Variants in GPR137 observed in about 807,000 individuals in gnomAD.
GPR137 encodes the protein integral membrane protein GPR137.
A neutral mutation model predicts 38.9 loss-of-function variants in GPR137; 20 were observed. The ratio of observed to expected loss-of-function variants is 0.51; its 90% CI spans 0.36 to 0.75. The LOEUF is 0.75. GPR137 is among the 30% of genes least tolerant of loss of function. The pLI, the probability that GPR137 is intolerant of heterozygous loss-of-function variation, is 0.00. For missense variants in GPR137, 456 were observed against 526.4 expected (o/e 0.87, Z 1.31); for synonymous variants, 226 against 235.8 (o/e 0.96, Z 0.38).
rs373433444 is a variant in GPR137, at chr11:64,288,041, G to T, written c.634-24G>T. On this transcript the variant is annotated intron_variant, in intron 3 of 6. Coordinates refer to ENST00000438980, the MANE Select transcript of GPR137 (RefSeq NM_001170880.2). The surrounding 1 kb of genome is among the most constrained non-coding windows in gnomAD (Gnocchi z 5.5). ...AGCTGGGAGCCTTCTCTCCCTGAGG[G>T]TCCTCTGTTGTTACCTGTGCCAGGG... 4 of 1,607,474 alleles carry T rather than the reference G, an allele frequency of 2.5e-6. No homozygotes were observed. In the African/African-American group the frequency reaches 4.0e-5, roughly 16 times the overall value.
At chr11:64,284,750 G>T (rs1325730018), upstream of GPR137, 18 of 1,535,626 alleles carry the variant, frequency 1.2e-5, no homozygotes, top group African/African-American at 1.4e-5. Flanking sequence ...ATCACCTCTC[G>T]GAACGTCACT....
upstream of GPR137, among the ~76,000 whole-genome samples, chr11:64,281,703 C>T (rs879673973): frequency 2.6e-5 from 4 of 152,210 alleles, no homozygotes; most frequent in Non-Finnish European, 4.4e-5. Context: ...TCACTCCCCC[C>T]GCCCCTGTGA....
chr11:64,285,121 T>A (rs1454445804), upstream of GPR137: 1 of 1,021,328 alleles, frequency 9.8e-7, no homozygotes, highest in Admixed American at 5.6e-5. Context: ...ATGTGATTAT[T>A]GTTGCTATTG....
At chr11:64,279,669 A>G (rs1233401481), upstream of GPR137, among the ~76,000 whole-genome samples, 1 of 150,216 alleles carries the variant, frequency 6.7e-6, no homozygotes. Context: ...AGGCTCAGGC[A>G]GGAGAATGGC....
At position 64,288,519 on chromosome 11, in the gene GPR137, C is replaced by G; in HGVS notation, c.912+51C>G. On this transcript the variant is annotated intron_variant, in intron 5 of 6. Coordinates refer to ENST00000438980, the MANE Select transcript of GPR137 (RefSeq NM_001170880.2). The surrounding 1 kb of genome is among the most constrained non-coding windows in gnomAD (Gnocchi z 5.5). Reference sequence around the variant, plus strand: ...GGGCCAGTGGAGGGGGCGGATGTTGCAAATCCTGGGTTGGAGTCTGGGGTT... The same window carrying G: ...GGGCCAGTGGAGGGGGCGGATGTTGGAAATCCTGGGTTGGAGTCTGGGGTT... The G allele has an allele frequency of 1.9e-6, 3 of 1,613,088 alleles. No individual in the cohort carries two copies. The highest frequency in any genetic ancestry group is 2.2e-5 in the South Asian group (2 of 91,034).
chr11:64,283,115 C>T (rs185861247), upstream of GPR137, among the ~76,000 whole-genome samples: 200 of 152,234 alleles, frequency 1.3e-3, no homozygotes, highest in African/African-American at 4.5e-3. Flanking sequence ...CTGAGAGAAT[C>T]GAGTGTGGGT....
chr11:64,285,469 C>CG (rs1363022616), upstream of GPR137: 8 of 984,330 alleles, frequency 8.1e-6, no homozygotes, highest in East Asian at 1.1e-4. Context: ...GGGCGGGGCC[C>CG]GGGGGCCATC....
At chr11:64,284,208 T>C, upstream of GPR137, 1 of 1,602,634 alleles carries the variant, frequency 6.2e-7, no homozygotes, top group Non-Finnish European at 8.5e-7. Context: ...GCTGGTTGGC[T>C]GCTCCTGCTG....
upstream of GPR137, among the ~76,000 whole-genome samples, chr11:64,282,302 G>C (rs556410044): frequency 6.6e-6 from 1 of 152,294 alleles, no homozygotes; most frequent in South Asian, 2.1e-4. Context: ...AGCTCAGGAA[G>C]TTAAAGAAAG....
At chr11:64,278,912 G>C (rs916315799) in intron 2 of GPR137, among the ~76,000 whole-genome samples, 1 of 152,218 alleles carries the variant, frequency 6.6e-6, no homozygotes, top group South Asian at 2.1e-4. Flanking sequence ...TCTTTTCTGG[G>C]AAACCACTTG....
In GPR137 at chr11:64,288,796, C is replaced by T; in HGVS notation, c.1031+75C>T. The T allele has an allele frequency of 1.4e-6, 2 of 1,440,278 alleles. No homozygotes were observed. The highest frequency in any genetic ancestry group is 1.4e-5 in the African/African-American group (1 of 70,110). 89.2% of individuals were successfully genotyped at this position (1,440,278 alleles called of 1,614,324 possible). ...GCTGGCTCCATCAAGCTATGGGGGACCGAGATAGCCGGGTCTTGCCTTCCA... is the reference window on the plus strand; with the variant it reads ...GCTGGCTCCATCAAGCTATGGGGGATCGAGATAGCCGGGTCTTGCCTTCCA... On this transcript the variant is annotated intron_variant, in intron 6 of 6. Coordinates refer to ENST00000438980, the MANE Select transcript of GPR137 (RefSeq NM_001170880.2). The surrounding 1 kb of genome is among the most constrained non-coding windows in gnomAD (Gnocchi z 5.5).
rs754387631 is a variant in GPR137, at chr11:64,289,336, T to C, written c.*140T>C. The C allele has an allele frequency of 2.5e-6, 4 of 1,604,346 alleles. No individual in the cohort carries two copies. In the African/African-American group the frequency reaches 5.3e-5, roughly 21 times the overall value. On this transcript the variant is annotated 3_prime_UTR_variant, in exon 7 of 7. Coordinates refer to ENST00000438980, the MANE Select transcript of GPR137 (RefSeq NM_001170880.2). ...CCTCTGGCCGGCTCCTTGCTGCTCC[T>C]GTCATAGTGAGCTTGTGCCGTCCCC...
At chr11:64,276,314 G>GTGTGTGTGTT (rs755265862) in intron 1 of GPR137, 2 of 148,492 alleles carry the variant, frequency 1.3e-5, no homozygotes, top group African/African-American at 5.1e-5. Flanking sequence ...GTGTGTGTGT[G>GTGTGTGTGTT]TATATATATA....
upstream of GPR137, chr11:64,285,390 G>A (rs1265456716): frequency 1.0e-6 from 1 of 985,056 alleles, no homozygotes; most frequent in East Asian, 1.1e-4. Context: ...GGTGAGCAGG[G>A]CCGCGGGCGC....
upstream of GPR137, chr11:64,285,211 C>T (rs2033812451): frequency 2.0e-6 from 2 of 987,626 alleles, no homozygotes; most frequent in South Asian, 9.0e-5. Flanking sequence ...AGCTTCGCGC[C>T]GCCCGCCTCG....
chr11:64,289,477 C>G lies in GPR137; in HGVS notation c.*281C>G. ...TCTCCTGTGCCTGCCACTCAATAAA[C>G]AGTGTCTGCGCCCCACAGTTGTGCA... On this transcript the variant is annotated 3_prime_UTR_variant, in exon 7 of 7. Transcript: ENST00000438980. 1 of 1,468,440 alleles carries G rather than the reference C, an allele frequency of 6.8e-7. No individual in the cohort carries two copies. Among genetic ancestry groups the G allele is most frequent in the Non-Finnish European group, 9.0e-7 (1 of 1,108,248 alleles). The allele number at this position is 1,468,440 out of a possible 1,614,324, so 91.0% of individuals were successfully genotyped here. A position where few individuals can be genotyped will look rare whatever the true frequency, so the allele number is the denominator to read the frequency against.
At chr11:64,275,177 G>A (rs531832181), upstream of GPR137, among the ~76,000 whole-genome samples, 62 of 151,684 alleles carry the variant, frequency 4.1e-4, no homozygotes, top group African/African-American at 1.5e-3. Flanking sequence ...AGTGGGGAGA[G>A]GCATACTAGG....
At chr11:64,287,048 C>T in intron 2 of GPR137, 34 bp downstream of exon 2, 1 of 1,606,504 alleles carries the variant, frequency 6.2e-7, no homozygotes, top group Non-Finnish European at 8.5e-7. Flanking sequence ...GCTCAGCCTC[C>T]AGGTCAGGGG....
At chr11:64,285,607 A>C (rs1048805335), upstream of GPR137, 1 of 983,930 alleles carries the variant, frequency 1.0e-6, no homozygotes, top group African/African-American at 1.7e-5. Context: ...CCCCCATACA[A>C]GTAAAGGCGG....
Sources: allele counts gnomAD v4.1 joint callset (sites outside exome capture counted in the v4.1 genomes callset), GRCh38; gene constraint gnomAD v4.1.1; non-coding constraint Gnocchi (gnomAD v3.1); transcripts MANE v1.5; gene names NCBI Gene and HGNC (gene_info 2026-07-23, HGNC 2026-07-21).